Variants in FGD1 observed in about 807,000 individuals in gnomAD.
FGD1 encodes FYVE, RhoGEF and PH domain-containing protein 1.
In FGD1, 12 loss-of-function variants were observed where a neutral mutation model predicts 65.0. That is an observed-to-expected ratio of 0.18 (90% confidence interval 0.12 to 0.30). The LOEUF is 0.30. FGD1 is among the 10% of genes least tolerant of loss of function. The pLI is 1.00. For synonymous variants in FGD1, 333 were observed against 343.9 expected, an observed-to-expected ratio of 0.97 and a Z score of 0.35; for missense variants, 542 against 837.6, an observed-to-expected ratio of 0.65 and a Z score of 4.36.
chrX:54,493,432 C>T (rs1465200019), intron 1 of FGD1, among the ~76,000 whole-genome samples: 1 of 111,634 alleles, frequency 9.0e-6, no homozygotes, highest in Non-Finnish European at 1.9e-5. Flanking sequence ...TCAGATTGTA[C>T]TAAGTGCAAA....
At chrX:54,491,079 G>T (rs896200887) in intron 1 of FGD1, among the ~76,000 whole-genome samples, 7 of 111,114 alleles carry the variant, frequency 6.3e-5, no homozygotes, top group Non-Finnish European at 1.3e-4. Context: ...TTCACCCTCA[G>T]AAGAAAGTTC....
intron 9 of FGD1, 38 bp downstream of exon 9, chrX:54,456,471 G>C: frequency 8.3e-7 from 1 of 1,208,637 alleles, no homozygotes; most frequent in Non-Finnish European, 1.1e-6. Flanking sequence ...CCACAGGTGG[G>C]TGGCCAAGGA....
rs1569541082 is a variant in FGD1 at position 54,456,586 on chromosome X, G to A, written c.1637-19C>T. Reference sequence around the variant, plus strand: ...AGAGACTCTACAGGCATAGAGGGGTGAGGTCAGATGGGGGACTAGCAGAGA... The same window carrying A: ...AGAGACTCTACAGGCATAGAGGGGTAAGGTCAGATGGGGGACTAGCAGAGA... On this transcript the variant is annotated intron_variant, in intron 8 of 17. Transcript: ENST00000375135. The A allele has an allele frequency of 4.2e-6, 5 of 1,183,475 alleles. No individual in the cohort carries two copies. Among genetic ancestry groups the A allele is most frequent in the East Asian group, 5.9e-5 (2 of 33,674 alleles).
chrX:54,484,742 G>A (rs925174186), intron 1 of FGD1, among the ~76,000 whole-genome samples: 16 of 112,988 alleles, frequency 1.4e-4, no homozygotes, highest in Non-Finnish European at 2.8e-4. Context: ...CCAGAGCCCA[G>A]AGAGGCTGGA....
At chrX:54,493,030 G>A (rs916584729) in intron 1 of FGD1, among the ~76,000 whole-genome samples, 6 of 111,049 alleles carry the variant, frequency 5.4e-5, no homozygotes, top group African/African-American at 1.6e-4. Flanking sequence ...AGTGGTTTAG[G>A]AAGGGTATTA....
chrX:54,454,930 C>T (rs1922463424), intron 12 of FGD1, among the ~76,000 whole-genome samples: 1 of 112,211 alleles, frequency 8.9e-6, no homozygotes, highest in African/African-American at 3.2e-5. Flanking sequence ...AACATTATCA[C>T]ACCTAAGACA....
At chrX:54,489,040 T>C (rs1923356240) in intron 1 of FGD1, among the ~76,000 whole-genome samples, 1 of 112,021 alleles carries the variant, frequency 8.9e-6, no homozygotes, top group South Asian at 3.7e-4. Context: ...AAAACAAAAA[T>C]TGACAAATGG....
chrX:54,495,484 G>A lies in FGD1; in HGVS notation c.-52C>T. 2.3e-6 allele frequency: 2 copies of A among 872,395 alleles called. No individual in the cohort carries two copies. Among genetic ancestry groups the A allele is most frequent in the African/African-American group, 2.1e-5 (1 of 47,557 alleles). The allele number at this position is 872,395 out of a possible 1,213,427, so 71.9% of individuals were successfully genotyped here. On this transcript the variant is annotated 5_prime_UTR_variant, in exon 1 of 18. Transcript: ENST00000375135. ...GCTCCCCGCTTGGCTCCAGCTCCTGGGGCGGAGGCGCGGGCGGAGGAGGCC... is the reference window on the plus strand; with the variant it reads ...GCTCCCCGCTTGGCTCCAGCTCCTGAGGCGGAGGCGCGGGCGGAGGAGGCC...
At chrX:54,460,570 G>A (rs998293062) in intron 8 of FGD1, among the ~76,000 whole-genome samples, 1 of 111,713 alleles carries the variant, frequency 9.0e-6, no homozygotes, top group Non-Finnish European at 1.9e-5. Context: ...GTGAAACACT[G>A]TCTCTACCCA....
chrX:54,482,373 G>A (rs1297426875), intron 1 of FGD1, among the ~76,000 whole-genome samples: 2 of 111,940 alleles, frequency 1.8e-5, no homozygotes, highest in Non-Finnish European at 3.8e-5. Context: ...CTGGACTAGA[G>A]GCCAGAGGAT....
At chrX:54,485,249 C>T (rs1023013503) in intron 1 of FGD1, among the ~76,000 whole-genome samples, 2 of 111,144 alleles carry the variant, frequency 1.8e-5, no homozygotes, top group South Asian at 3.8e-4. Context: ...GCAGACCCCA[C>T]GATCCCCTCC....
chrX:54,477,254 C>T (rs770221879), intron 1 of FGD1, among the ~76,000 whole-genome samples: 1 of 112,129 alleles, frequency 8.9e-6, no homozygotes, highest in South Asian at 3.7e-4. Context: ...AACCCCTGCC[C>T]CCCCAGGCAT....
chrX:54,468,874 C>A lies in FGD1; in HGVS notation c.1104G>T (p.Leu368Phe). Residue 368 changes from leucine to phenylalanine, a missense_variant and splice_region_variant, in exon 5 of 18, where the codon TTG becomes TTT. By Grantham distance (22) the Leu-to-Phe change is conservative. Coordinates refer to ENST00000375135, the MANE Select transcript of FGD1 (RefSeq NM_004463.3). ...TGTGAAACACCTTTTGCTGCACAGTCAACTGGAAAGGAGAAACAGTAACCC... is the reference window on the plus strand; with the variant it reads ...TGTGAAACACCTTTTGCTGCACAGTAAACTGGAAAGGAGAAACAGTAACCC... ...PLMERQESVE[L>F]TVQQKVFHIA... 1 of 1,189,349 alleles carries A rather than the reference C, an allele frequency of 8.4e-7. No homozygotes were observed. The highest frequency in any genetic ancestry group is 3.0e-5 in the East Asian group (1 of 33,755).
chrX:54,490,502 G>A (rs1923390835), intron 1 of FGD1, among the ~76,000 whole-genome samples: 1 of 111,500 alleles, frequency 9.0e-6, no homozygotes, highest in African/African-American at 3.3e-5. Context: ...CATATAGTAT[G>A]ATTTCAATTA....
At chrX:54,452,266 C>CAAAAAAAA (rs776104292) in intron 12 of FGD1, among the ~76,000 whole-genome samples, 4 of 28,814 alleles carry the variant, frequency 1.4e-4, no homozygotes, top group East Asian at 1.2e-3. Flanking sequence ...GACCCTATCT[C>CAAAAAAAA]AAAAAAAAAA....
rs1033938347 is a variant in FGD1, at chrX:54,470,563, G to A, written c.659+20C>T. ...AGGCTCCCCCTTTCCCCTAGAGGGT[G>A]CCCTAGGGACCAGACTCACCTTTCA... On this transcript the variant is annotated intron_variant, in intron 3 of 17. Coordinates refer to ENST00000375135, the MANE Select transcript of FGD1 (RefSeq NM_004463.3). The A allele has an allele frequency of 9.2e-6, 11 of 1,195,898 alleles. No individual in the cohort carries two copies. The East Asian group carries it at 1.5e-4, about 16-fold the overall frequency.
chrX:54,488,493 G>A (rs1303373139), intron 1 of FGD1, among the ~76,000 whole-genome samples: 10 of 107,562 alleles, frequency 9.3e-5, no homozygotes, highest in Admixed American at 4.1e-4. Flanking sequence ...ACTGAGGCAG[G>A]AGAATTGCTT....
chrX:54,493,892 C>T (rs918985362), intron 1 of FGD1, among the ~76,000 whole-genome samples: 2 of 112,532 alleles, frequency 1.8e-5, no homozygotes, highest in Non-Finnish European at 3.8e-5. Flanking sequence ...AGGCCACGGT[C>T]CCAGAGATCT....
At chrX:54,475,110 C>G (rs1283239660) in intron 1 of FGD1, among the ~76,000 whole-genome samples, 2 of 112,394 alleles carry the variant, frequency 1.8e-5, no homozygotes, top group African/African-American at 3.2e-5. Context: ...TCTCACCTGA[C>G]AGCCCACAGA....
Sources: allele counts gnomAD v4.1 joint callset (sites outside exome capture counted in the v4.1 genomes callset), GRCh38; gene constraint gnomAD v4.1.1; transcripts MANE v1.5; gene names NCBI Gene and HGNC (gene_info 2026-07-23, HGNC 2026-07-21).